GLIS3: variants seen among roughly 807,000 people sequenced by gnomAD.
The protein encoded by GLIS3 is zinc finger protein GLIS3.
Under a neutral mutation model 78.6 loss-of-function variants are expected in GLIS3, and 53 were observed. That is an observed-to-expected ratio of 0.67 (90% CI 0.54 to 0.85). The LOEUF (loss-of-function observed/expected upper bound fraction) is 0.85. Ranked by LOEUF, GLIS3 falls within the 40% of genes least tolerant of loss-of-function variation. The pLI, the probability that GLIS3 is intolerant of heterozygous loss-of-function variation, is 0.00. For missense variants in GLIS3, 1,703 were observed against 1,231.1 expected (o/e 1.38, Z -5.74); for synonymous variants, 684 against 509.9 (o/e 1.34, Z -4.60).
At chr9:4,125,167 A>G (rs1393098928) in intron 3 of GLIS3, among the ~76,000 whole-genome samples, 2 of 152,220 alleles carry the variant, frequency 1.3e-5, no homozygotes, top group Non-Finnish European at 1.5e-5. Context: ...ATGCCTTTCC[A>G]GACACATCAT....
chr9:4,196,333 T>C (rs1468961501), intron 2 of GLIS3, among the ~76,000 whole-genome samples: 1 of 152,190 alleles, frequency 6.6e-6, no homozygotes, highest in Non-Finnish European at 1.5e-5. Context: ...ATCAGCAGGA[T>C]GTGGGTGGGG....
At chr9:3,925,608 T>TGTGCGTGC (rs1825166380) in intron 6 of GLIS3, among the ~76,000 whole-genome samples, 2 of 151,316 alleles carry the variant, frequency 1.3e-5, no homozygotes, top group Admixed American at 1.3e-4. Flanking sequence ...TGTGCGCGCG[T>TGTGCGTGC]GTGTGTGTGT....
chr9:3,956,168 T>C (rs574070194), intron 4 of GLIS3, among the ~76,000 whole-genome samples: 3 of 152,228 alleles, frequency 2.0e-5, no homozygotes, highest in East Asian at 3.9e-4. Flanking sequence ...TTCCATTCTT[T>C]AGTGTACCAG....
intron 2 of GLIS3, among the ~76,000 whole-genome samples, chr9:4,183,484 A>C (rs1817508592): frequency 6.6e-6 from 1 of 152,196 alleles, no homozygotes; most frequent in Admixed American, 6.5e-5. Context: ...TGCATAGTCC[A>C]GCACACTATA....
chr9:3,984,037 G>C (rs1265899093), intron 4 of GLIS3, among the ~76,000 whole-genome samples: 2 of 152,248 alleles, frequency 1.3e-5, no homozygotes, highest in African/African-American at 4.8e-5. Context: ...CGAGGCCTAG[G>C]AGGAAAAACT....
At chr9:3,921,223 C>T (rs548724994) in intron 6 of GLIS3, among the ~76,000 whole-genome samples, 1 of 152,298 alleles carries the variant, frequency 6.6e-6, no homozygotes, top group East Asian at 1.9e-4. Context: ...AGAAAGTGCC[C>T]TTCTCATTTA....
rs920233772 is a variant in GLIS3, at chr9:4,251,600, A to G, written c.388+34438T>C. Among the ~76,000 whole-genome samples the G allele has an allele frequency of 2.0e-5, 3 of 152,106 alleles. No homozygotes were observed. In the South Asian group the frequency reaches 6.2e-4, roughly 32 times the overall value. On this transcript the variant is annotated intron_variant, in intron 2 of 10. Transcript: ENST00000381971. ...TGCGTCTAATTGGGGCATTTAGCCC[A>G]CTTACATTTAAGGTTAATATTTTCA... is the stretch of plus-strand genomic sequence containing the variant.
the GLIS3 span, among the ~76,000 whole-genome samples, chr9:4,398,971 G>C: frequency 6.6e-6 from 1 of 152,184 alleles, no homozygotes; most frequent in Non-Finnish European, 1.5e-5. Flanking sequence ...ACAGGCGTGA[G>C]CCACCGTACC....
rs769782174 is a variant in GLIS3 at position 4,286,377 on chromosome 9, G to C, written c.49C>G (p.Pro17Ala). The C allele has an allele frequency of 2.4e-5, 38 of 1,614,072 alleles. No individual in the cohort carries two copies. The highest frequency in any genetic ancestry group is 3.1e-5 in the Non-Finnish European group (37 of 1,180,036). ...SMSLHRTSGT[P>A]QGPRMVSGHH... Reference sequence around the variant, plus strand: ...CCACTGACCATCCTAGGCCCCTGTGGGGTTCCCGATGTCCGGTGGAGACTC... The same window carrying C: ...CCACTGACCATCCTAGGCCCCTGTGCGGTTCCCGATGTCCGGTGGAGACTC... The change falls in exon 2 of 11, where the codon CCA becomes GCA. Residue 17 changes from proline (P) to alanine (A), a missense_variant. Coordinates refer to ENST00000381971, the MANE Select transcript of GLIS3 (RefSeq NM_001042413.2).
chr9:4,249,036 G>A (rs868826413), intron 2 of GLIS3, among the ~76,000 whole-genome samples: 25 of 152,218 alleles, frequency 1.6e-4, no homozygotes, highest in Middle Eastern at 6.8e-3. Flanking sequence ...CTATACCCTT[G>A]TAGTATAGTT....
In GLIS3 at chr9:3,825,444, T is replaced by G. The variant is rs886063943; in HGVS notation, c.*2828A>C. 2.0e-5 allele frequency: 3 copies of G among 151,998 alleles called. No individual in the cohort carries two copies. The highest frequency in any genetic ancestry group is 4.4e-5 in the Non-Finnish European group (3 of 67,976). 9.4% of individuals were successfully genotyped at this position (151,998 alleles called of 1,614,324 possible). A position where few individuals can be genotyped will look rare whatever the true frequency, so the allele number is the denominator to read the frequency against. On this transcript the variant is annotated 3_prime_UTR_variant, in exon 11 of 11. Coordinates refer to ENST00000381971, the MANE Select transcript of GLIS3 (RefSeq NM_001042413.2). ...CTAGGCAGACTGATTTTTTTTTTAA[T>G]GCAATAGGATAATTGTCTTTGCGCT...
intron 4 of GLIS3, among the ~76,000 whole-genome samples, chr9:4,093,745 G>A (rs1459620836): frequency 1.3e-5 from 2 of 152,100 alleles, no homozygotes; most frequent in Non-Finnish European, 2.9e-5. Context: ...CTTCTAGATT[G>A]CAGTTATGTG....
At chr9:3,972,701 G>A (rs57010271) in intron 4 of GLIS3, among the ~76,000 whole-genome samples, 1 of 152,108 alleles carries the variant, frequency 6.6e-6, no homozygotes, top group South Asian at 2.1e-4. Context: ...ATAGTACTAT[G>A]TGAAAACTCT....
At chr9:3,893,967 A>T (rs1000307364) in intron 7 of GLIS3, among the ~76,000 whole-genome samples, 1 of 152,220 alleles carries the variant, frequency 6.6e-6, no homozygotes, top group African/African-American at 2.4e-5. Context: ...TCCTGACCTC[A>T]CTGCATTCTC....
chr9:4,353,162 C>G (rs1307720209), upstream of GLIS3, among the ~76,000 whole-genome samples: 1 of 152,118 alleles, frequency 6.6e-6, no homozygotes, highest in Non-Finnish European at 1.5e-5. Flanking sequence ...TGAGAAGTTC[C>G]CTCTCTTGAC....
chr9:4,437,567 G>C, the GLIS3 span, among the ~76,000 whole-genome samples: 1 of 152,214 alleles, frequency 6.6e-6, no homozygotes, highest in Non-Finnish European at 1.5e-5. Context: ...AGATTTGGCA[G>C]CTGGCCCAAA....
chr9:4,201,688 T>C (rs1026271707), intron 2 of GLIS3, among the ~76,000 whole-genome samples: 4 of 150,562 alleles, frequency 2.7e-5, no homozygotes, highest in South Asian at 2.1e-4. Context: ...AAATCAGAGG[T>C]GACACAAACA....
chr9:4,160,955 T>G (rs530551644), intron 2 of GLIS3, among the ~76,000 whole-genome samples: 2 of 151,640 alleles, frequency 1.3e-5, no homozygotes, highest in South Asian at 4.2e-4. Context: ...TTTTAAAAAG[T>G]AATGTTGGCT....
chr9:4,175,506 C>G (rs1364597748), intron 2 of GLIS3, among the ~76,000 whole-genome samples: 2 of 152,142 alleles, frequency 1.3e-5, no homozygotes, highest in Non-Finnish European at 2.9e-5. Flanking sequence ...TTTATATATC[C>G]TTTGAGACAC....
Sources: gnomAD v4.1 joint callset for allele counts (sites outside exome capture counted in the v4.1 genomes callset) on GRCh38, gnomAD v4.1.1 for gene constraint, MANE v1.5 for transcripts, NCBI Gene and HGNC (gene_info 2026-07-23, HGNC 2026-07-21) for gene names.